Variants in TRDN observed in about 807,000 individuals in gnomAD.
The protein encoded by TRDN is triadin in skeletal muscle.
A neutral mutation model predicts 149.7 loss-of-function variants in TRDN; 161 were observed. That is an observed-to-expected ratio of 1.08 (90% CI 0.95 to 1.23). TRDN has a LOEUF of 1.23. Ranked by LOEUF, TRDN falls within the 50% of genes most tolerant of loss-of-function variation. The pLI is 0.00. For synonymous variants in TRDN, 294 were observed against 250.5 expected (o/e 1.17, Z -1.64); for missense variants, 896 against 823.5 (o/e 1.09, Z -1.08).
intron 24 of TRDN, 34 bp downstream of exon 24, chr6:123,316,423 C>T (rs780851128): frequency 1.9e-6 from 3 of 1,593,276 alleles, no homozygotes; most frequent in East Asian, 2.2e-5. Flanking sequence ...AACAGAACAT[C>T]TCCTTGTATG....
At chr6:123,260,078 C>G (rs1014172761) in intron 34 of TRDN, among the ~76,000 whole-genome samples, 2 of 151,828 alleles carry the variant, frequency 1.3e-5, no homozygotes, top group African/African-American at 4.8e-5. Context: ...GGTTTACTTA[C>G]AGGCATGACC....
intron 4 of TRDN, among the ~76,000 whole-genome samples, chr6:123,542,875 T>C (rs893254387): frequency 2.0e-5 from 3 of 151,784 alleles, no homozygotes; most frequent in Admixed American, 2.0e-4. Context: ...TGTGTGTGTG[T>C]GTGTGTGTGT....
chr6:123,258,844 ACTT>A (rs1776653613), intron 35 of TRDN, among the ~76,000 whole-genome samples: 1 of 152,142 alleles, frequency 6.6e-6, no homozygotes. Context: ...CAGGGATTCA[ACTT>A]CTTCTGGTTC....
At chr6:123,503,351 T>C in intron 8 of TRDN, 1 of 985,338 alleles carries the variant, frequency 1.0e-6, no homozygotes, top group Non-Finnish European at 1.2e-6. Context: ...TTGCTGTCAT[T>C]TTGGGGGACC....
chr6:123,532,667 A>G (rs9490800), intron 4 of TRDN, among the ~76,000 whole-genome samples: 85,415 of 151,318 alleles, frequency 0.56, 25,124 homozygotes, highest in Non-Finnish European at 0.65. Flanking sequence ...GTATAAAAGT[A>G]TCTCCATAAT....
intron 26 of TRDN, among the ~76,000 whole-genome samples, chr6:123,276,107 A>T: frequency 6.6e-6 from 1 of 152,086 alleles, no homozygotes; most frequent in East Asian, 1.9e-4. Context: ...CCATTCACAA[A>T]AGAGGAGCTC....
chr6:123,415,976 G>A lies in TRDN; in HGVS notation c.1051+22087C>T, dbSNP rs202064859. Among the ~76,000 whole-genome samples the A allele has an allele frequency of 1.4e-4, 21 of 152,120 alleles. No homozygotes were observed. In the East Asian group the frequency reaches 4.1e-3, roughly 29 times the overall value. On this transcript the variant is annotated intron_variant, in intron 12 of 40. Transcript: ENST00000334268. Reference sequence around the variant, plus strand: ...ATTATTGAAAGTTTTAGCACTGCTGGGCCTAAATGTTTTTGGTTTTGCAAA... The same window carrying A: ...ATTATTGAAAGTTTTAGCACTGCTGAGCCTAAATGTTTTTGGTTTTGCAAA...
At chr6:123,341,572 A>C (rs1780063832) in intron 21 of TRDN, among the ~76,000 whole-genome samples, 1 of 151,938 alleles carries the variant, frequency 6.6e-6, no homozygotes, top group Non-Finnish European at 1.5e-5. Flanking sequence ...CCAATTAAAA[A>C]GCATAATATA....
At chr6:123,454,642 G>C (rs1291943816) in intron 10 of TRDN, among the ~76,000 whole-genome samples, 1 of 152,164 alleles carries the variant, frequency 6.6e-6, no homozygotes, top group Non-Finnish European at 1.5e-5. Flanking sequence ...TAGGAACTAG[G>C]GTGCACAGCA....
At chr6:123,379,728 A>C (rs1163966572) in intron 16 of TRDN, among the ~76,000 whole-genome samples, 1 of 152,182 alleles carries the variant, frequency 6.6e-6, no homozygotes, top group African/African-American at 2.4e-5. Flanking sequence ...GTAAATATAC[A>C]TTGATTTACC....
At chr6:123,534,466 C>T (rs371506114) in intron 4 of TRDN, among the ~76,000 whole-genome samples, 7 of 152,106 alleles carry the variant, frequency 4.6e-5, no homozygotes, top group East Asian at 1.9e-4. Flanking sequence ...CTCCACATGG[C>T]GTGCCAGTTC....
At chr6:123,336,862 AAC>A (rs1779891541) in intron 22 of TRDN, among the ~76,000 whole-genome samples, 1 of 151,362 alleles carries the variant, frequency 6.6e-6, no homozygotes, top group Non-Finnish European at 1.5e-5. Context: ...ACATATATAT[AAC>A]ACATATATAC....
intron 18 of TRDN, among the ~76,000 whole-genome samples, chr6:123,376,540 C>T (rs542375412): frequency 1.3e-5 from 2 of 152,032 alleles, no homozygotes; most frequent in African/African-American, 2.4e-5. Flanking sequence ...AAAAAACAGT[C>T]GGCTTCTTCC....
chr6:123,282,230 T>G (rs935231858), intron 24 of TRDN, among the ~76,000 whole-genome samples: 5 of 151,960 alleles, frequency 3.3e-5, no homozygotes, highest in African/African-American at 1.2e-4. Context: ...TATATATAGT[T>G]CTACATATAT....
rs1490555426 is a variant in TRDN at position 123,442,359 on chromosome 6, C to A, written c.932-3356G>T. ...GGGATCGAGACCATCCTGGCTAACA[C>A]GGTGAAACCCCGTCTCTACTAAAAA... is the stretch of plus-strand genomic sequence containing the variant. On this transcript the variant is annotated intron_variant, in intron 10 of 40. Transcript: ENST00000334268. 4 of 144,188 alleles carry A rather than the reference C, an allele frequency of 2.8e-5. 1 individual carries two copies. The highest frequency in any genetic ancestry group is 1.1e-4 in the African/African-American group (4 of 35,878). 8.9% of individuals were successfully genotyped at this position (144,188 alleles called of 1,614,324 possible).
rs190909446 is a variant in TRDN at position 123,350,781 on chromosome 6, A to G, written c.1369+1758T>C. The G allele has an allele frequency of 4.8e-4, 467 of 973,234 alleles. 1 individual carries two copies. Among genetic ancestry groups the G allele is most frequent in the Non-Finnish European group, 5.5e-4 (449 of 818,996 alleles). The allele number at this position is 973,234 out of a possible 1,614,324, so 60.3% of individuals were successfully genotyped here. ...AAAATTGAAATGATTTACCAAGTCA[A>G]TATAAAAATAGCCATTGAAAGAACC... On this transcript the variant is annotated intron_variant, in intron 21 of 40. Transcript: ENST00000334268.
chr6:123,280,568 T>G (rs993298645), intron 24 of TRDN, among the ~76,000 whole-genome samples: 2 of 151,996 alleles, frequency 1.3e-5, no homozygotes, highest in African/African-American at 4.8e-5. Context: ...ATATAGTATC[T>G]CTCTATCTAG....
chr6:123,548,913 T>C (rs184280650), intron 2 of TRDN, among the ~76,000 whole-genome samples: 2 of 152,104 alleles, frequency 1.3e-5, no homozygotes. Flanking sequence ...AGAGTGCAAA[T>C]AAACCCTATG....
At chr6:123,483,193 C>T (rs552137081) in intron 9 of TRDN, among the ~76,000 whole-genome samples, 1 of 151,286 alleles carries the variant, frequency 6.6e-6, no homozygotes, top group South Asian at 2.1e-4. Flanking sequence ...AGCTCCGCCT[C>T]CCAGGTTCAC....
Sources: allele counts gnomAD v4.1 joint callset (sites outside exome capture counted in the v4.1 genomes callset), GRCh38; gene constraint gnomAD v4.1.1; transcripts MANE v1.5; gene names NCBI Gene and HGNC (gene_info 2026-07-23, HGNC 2026-07-21).